TOP2B: variants seen among roughly 807,000 people sequenced by gnomAD.
The protein encoded by TOP2B is DNA topoisomerase II beta.
TOP2B carries 51 observed loss-of-function variants against 193.5 expected under a neutral mutation model. The ratio of observed to expected loss-of-function variants is 0.26; its 90% confidence interval spans 0.21 to 0.33. The LOEUF is 0.33. Among genes scored for constraint, TOP2B ranks in the 10% least tolerant of loss-of-function variants. The pLI, the probability that TOP2B is intolerant of heterozygous loss-of-function variation, is 1.00. For missense variants in TOP2B, 1,378 were observed against 1,909.3 expected, an observed-to-expected ratio of 0.72 and a Z score of 5.19; for synonymous variants, 634 against 635.7, an observed-to-expected ratio of 1.00 and a Z score of 0.04.
chr3:25,632,830 G>T, intron 8 of TOP2B, 36 bp from the exon 9 acceptor site: 2 of 1,562,434 alleles, frequency 1.3e-6, no homozygotes, highest in Non-Finnish European at 1.8e-6. Flanking sequence ...CTGAAATCCT[G>T]TATTGTTAAA....
intron 4 of TOP2B, among the ~76,000 whole-genome samples, chr3:25,639,161 G>A (rs1005136790): frequency 7.2e-5 from 11 of 151,948 alleles, no homozygotes; most frequent in African/African-American, 1.7e-4. Flanking sequence ...CTATGATTCC[G>A]TTTGTTAAAA....
chr3:25,606,461 T>C (rs1206507622), intron 31 of TOP2B, among the ~76,000 whole-genome samples: 1 of 152,080 alleles, frequency 6.6e-6, no homozygotes, highest in Non-Finnish European at 1.5e-5. Context: ...AACCAAATTC[T>C]ACAGTTGATA....
chr3:25,613,820 G>T (rs1262374601), intron 27 of TOP2B, among the ~76,000 whole-genome samples: 1 of 152,088 alleles, frequency 6.6e-6, no homozygotes, highest in Non-Finnish European at 1.5e-5. Flanking sequence ...TTATAGATGA[G>T]GAAAGTGGGT....
At chr3:25,631,000 G>A (rs1702938678) in intron 10 of TOP2B, 61 bp from the exon 11 acceptor site, 3 of 1,431,702 alleles carry the variant, frequency 2.1e-6, no homozygotes, top group Non-Finnish European at 2.8e-6. Flanking sequence ...TAGCTAAAAT[G>A]TATAGGGCCT....
At chr3:25,664,012 C>G (rs1704001992) in intron 1 of TOP2B, among the ~76,000 whole-genome samples, 1 of 152,140 alleles carries the variant, frequency 6.6e-6, no homozygotes, top group African/African-American at 2.4e-5. Flanking sequence ...GTACACATTA[C>G]GCTCTGGCAG....
chr3:25,600,627 A>G (rs7622457), intron 34 of TOP2B, among the ~76,000 whole-genome samples: 7,983 of 152,300 alleles, frequency 0.052, 641 homozygotes, highest in African/African-American at 0.18. Context: ...AAACATCTTC[A>G]AGGGCTTTCC....
At chr3:25,663,871 C>T (rs951827710) in intron 1 of TOP2B, among the ~76,000 whole-genome samples, 33 of 152,272 alleles carry the variant, frequency 2.2e-4, no homozygotes, top group African/African-American at 7.9e-4. Context: ...CTGCCCCACA[C>T]AGACACACTT....
chr3:25,598,081 T>TAAC lies in TOP2B; in HGVS notation c.*223_*225dup. On this transcript the variant is annotated 3_prime_UTR_variant, in exon 36 of 36. Coordinates refer to ENST00000264331, the MANE Select transcript of TOP2B (RefSeq NM_001330700.2). ...ATCTGTGCTAATGCACGGCAGTCTA[T>TAAC]AACAATTCTACAAGCCAATCAGACA... 2.7e-6 allele frequency: 1 copy of TAAC among 364,212 alleles called. No individual in the cohort carries two copies. The highest frequency in any genetic ancestry group is 4.9e-6 in the Non-Finnish European group (1 of 204,256). The allele number at this position is 364,212 out of a possible 1,614,324, so 22.6% of individuals were successfully genotyped here. A position where few individuals can be genotyped will look rare whatever the true frequency, so the allele number is the denominator to read the frequency against.
chr3:25,603,037 C>A (rs1202992574), intron 33 of TOP2B, among the ~76,000 whole-genome samples: 2 of 152,134 alleles, frequency 1.3e-5, no homozygotes, highest in Admixed American at 6.5e-5. Flanking sequence ...AAGGCCAGTT[C>A]AGCTACTGAA....
Position 25,598,388 on chromosome 3 carries a change from G to T in TOP2B, c.4800C>A (p.Thr1600=). Residue 1600 remains threonine (T), a synonymous_variant, in exon 36 of 36, where the codon ACC becomes ACA. Coordinates refer to ENST00000264331, the MANE Select transcript of TOP2B (RefSeq NM_001330700.2). ...ATTTTACTTCTTTCCTAGCCCGACCGGTTCGTGGCAGAGAAGGTGGCTCAG... is the reference window on the plus strand; with the variant it reads ...ATTTTACTTCTTTCCTAGCCCGACCTGTTCGTGGCAGAGAAGGTGGCTCAG... ...FPTEPPSLPR[T]GRARKEVKYF... 1 of 1,613,504 alleles carries T rather than the reference G, an allele frequency of 6.2e-7. No individual in the cohort carries two copies. Among genetic ancestry groups the T allele is most frequent in the Middle Eastern group, 1.6e-4 (1 of 6,062 alleles).
At chr3:25,629,949 G>T in intron 13 of TOP2B, 80 bp downstream of exon 13, 1 of 1,392,666 alleles carries the variant, frequency 7.2e-7, no homozygotes, top group Non-Finnish European at 9.6e-7. Context: ...CCATCTTCGG[G>T]CAAGTCTCAT....
At chr3:25,619,057 T>G (rs917490461) in intron 23 of TOP2B, among the ~76,000 whole-genome samples, 1 of 152,124 alleles carries the variant, frequency 6.6e-6, no homozygotes, top group Non-Finnish European at 1.5e-5. Context: ...GCCAATAAAT[T>G]CAATTCTCAC....
Position 25,623,606 on chromosome 3 carries a change from G to C in TOP2B, c.2636C>G (p.Thr879Ser). 6.2e-7 allele frequency: 1 copy of C among 1,613,860 alleles called. No homozygotes were observed. The highest frequency in any genetic ancestry group is 8.5e-7 in the Non-Finnish European group (1 of 1,179,860). ...GTTGGGTAGTTTACAAGCCCATCCA[G>C]TACCAATGCCCTCAGCACCATTTAT... ...VLINGAEGIG[T>S]GWACKLPNYD... Residue 879 changes from threonine to serine, a missense_variant, in exon 21 of 36, where the codon ACT (threonine) becomes AGT (serine). Thr to Ser is a moderately conservative substitution (Grantham distance 58). Transcript: ENST00000264331.
At chr3:25,599,151 T>A (rs1702019004) in intron 35 of TOP2B, among the ~76,000 whole-genome samples, 4 of 152,176 alleles carry the variant, frequency 2.6e-5, no homozygotes, top group African/African-American at 9.7e-5. Context: ...AAAATAATAT[T>A]TTAGTCTGAA....
chr3:25,630,980 T>G, intron 10 of TOP2B, 41 bp from the exon 11 acceptor site: 1 of 1,529,150 alleles, frequency 6.5e-7, no homozygotes, highest in Non-Finnish European at 8.7e-7. Context: ...AAGCTGAAAA[T>G]TCATACATTT....
chr3:25,657,073 T>C (rs1703766508), intron 1 of TOP2B, among the ~76,000 whole-genome samples: 1 of 152,186 alleles, frequency 6.6e-6, no homozygotes, highest in Non-Finnish European at 1.5e-5. Flanking sequence ...CAATTTGTCT[T>C]TTACGTTCCC....
At position 25,598,202 on chromosome 3, in the gene TOP2B, T is replaced by TACATCATCACATTAAA. The variant is rs1306890488; in HGVS notation, c.*89_*104dup. On this transcript the variant is annotated 3_prime_UTR_variant, in exon 36 of 36. Coordinates refer to ENST00000264331, the MANE Select transcript of TOP2B (RefSeq NM_001330700.2). ...ACCACAATAATAAAAAACCGTCAATTACATCATCACATTAAAATAAGCCAG... is the reference window on the plus strand; with the variant it reads ...ACCACAATAATAAAAAACCGTCAATTACATCATCACATTAAAACATCATCACATTAAAATAAGCCAG... 7.3e-6 allele frequency: 9 copies of TACATCATCACATTAAA among 1,227,476 alleles called. No homozygotes were observed. Among genetic ancestry groups the TACATCATCACATTAAA allele is most frequent in the African/African-American group, 1.5e-5 (1 of 65,850 alleles). 76.0% of individuals were successfully genotyped at this position (1,227,476 alleles called of 1,614,324 possible).
At chr3:25,644,114 T>TTA (rs1553643124) in intron 2 of TOP2B, among the ~76,000 whole-genome samples, 3 of 152,028 alleles carry the variant, frequency 2.0e-5, no homozygotes, top group African/African-American at 7.2e-5. Context: ...TTTTTTTTTT[T>TTA]TATAATACAG....
At chr3:25,630,560 G>T in intron 11 of TOP2B, 91 bp from the exon 12 acceptor site, 1 of 1,030,582 alleles carries the variant, frequency 9.7e-7, no homozygotes, top group Non-Finnish European at 1.4e-6. Flanking sequence ...TTAGAATGCT[G>T]ACAGTGAAAG....
Sources: allele counts gnomAD v4.1 joint callset (sites outside exome capture counted in the v4.1 genomes callset), GRCh38; gene constraint gnomAD v4.1.1; transcripts MANE v1.5; gene names NCBI Gene and HGNC (gene_info 2026-07-23, HGNC 2026-07-21).